Variants in GLI4 observed in about 807,000 individuals in gnomAD.
GLI4 encodes the protein zinc finger protein GLI4.
Under a neutral mutation model 30.9 loss-of-function variants are expected in GLI4, and 34 were observed. That is an observed-to-expected ratio of 1.10 (90% CI 0.84 to 1.47). GLI4 has a LOEUF of 1.47. GLI4 is among the 40% of genes most tolerant of loss of function. The pLI is 0.00. For synonymous variants in GLI4, 277 were observed against 236.7 expected (o/e 1.17, Z -1.56); for missense variants, 696 against 538.9 (o/e 1.29, Z -2.89).
rs1586729648 is a variant in GLI4, at chr8:143,275,428, A to T, written c.224-469A>T. 2.2e-6 allele frequency: 3 copies of T among 1,374,620 alleles called. No individual in the cohort carries two copies. In the East Asian group the frequency reaches 8.2e-5, roughly 38 times the overall value. 85.2% of individuals were successfully genotyped at this position (1,374,620 alleles called of 1,614,324 possible). On this transcript the variant is annotated intron_variant, in intron 3 of 3. Transcript: ENST00000340042. ...GGGAAGCTCCTGGGGTGGGCATGGG[A>T]GCTGGGCGGCAGCACACTTGCCACC... is the stretch of plus-strand genomic sequence containing the variant.
chr8:143,270,698 C>T (rs1815248929), intron 2 of GLI4, among the ~76,000 whole-genome samples: 1 of 152,208 alleles, frequency 6.6e-6, no homozygotes, highest in Non-Finnish European at 1.5e-5. Context: ...GTTCTCCTGT[C>T]CCGTTACCAG....
intron 2 of GLI4, 76 bp downstream of exon 2, chr8:143,269,596 C>A: frequency 7.9e-7 from 1 of 1,263,504 alleles, no homozygotes; most frequent in Non-Finnish European, 1.2e-6. Context: ...CTCCTCCTGA[C>A]CTGCCACGCT....
chr8:143,268,274 C>G (rs1310121994), intron 1 of GLI4, among the ~76,000 whole-genome samples: 1 of 152,224 alleles, frequency 6.6e-6, no homozygotes, highest in African/African-American at 2.4e-5. Flanking sequence ...GAAGCAGGCA[C>G]TGTCTGCTGT....
intron 1 of GLI4, among the ~76,000 whole-genome samples, chr8:143,268,407 C>T (rs1815188247): frequency 6.6e-6 from 1 of 152,236 alleles, no homozygotes. Context: ...TCACATTGGA[C>T]TCAAGCCGTT....
chr8:143,267,844 C>T (rs955125661), intron 1 of GLI4: 3 of 985,290 alleles, frequency 3.0e-6, no homozygotes, highest in Admixed American at 1.2e-4. Flanking sequence ...CCCAGCGCCG[C>T]ACCGCCGGGC....
Position 143,276,276 on chromosome 8 carries a change from C to G in GLI4, c.603C>G (p.His201Gln). The G allele has an allele frequency of 6.2e-7, 1 of 1,612,252 alleles. No individual in the cohort carries two copies. Among genetic ancestry groups the G allele is most frequent in the Non-Finnish European group, 8.5e-7 (1 of 1,179,628 alleles). The change falls in exon 4 of 4, where the codon CAC becomes CAG. Residue 201 changes from histidine (H) to glutamine (Q), a missense_variant. By Grantham distance (24) the His-to-Gln change is conservative. Coordinates refer to ENST00000340042, the MANE Select transcript of GLI4 (RefSeq NM_138465.4). Reference sequence around the variant, plus strand: ...AGTATAACTCGCTGCTCCTGAAGCACCAGCGCATCCACACGGGCGAGAAGC... The same window carrying G: ...AGTATAACTCGCTGCTCCTGAAGCAGCAGCGCATCCACACGGGCGAGAAGC... ...SFKYNSLLLK[H>Q]QRIHTGEKPY...
At chr8:143,271,286 G>A (rs539755160) in intron 2 of GLI4, among the ~76,000 whole-genome samples, 14 of 152,326 alleles carry the variant, frequency 9.2e-5, no homozygotes, top group African/African-American at 3.1e-4. Context: ...GAGGCACAGC[G>A]GGGCCTGGGA....
In GLI4 at chr8:143,276,374, CGG is replaced by C; in HGVS notation, c.703_704del (p.Gly235ArgfsTer57). 2 of 1,612,546 alleles carry C rather than the reference CGG, an allele frequency of 1.2e-6. No homozygotes were observed. Among genetic ancestry groups the C allele is most frequent in the South Asian group, 2.2e-5 (2 of 91,054 alleles). ...TTCATCCAGCACCACCGCATCCACA[CGG>C]GCGAGAAGCCCTACGAGTGCGGCCA... On this transcript the variant is annotated frameshift_variant, in exon 4 of 4. Transcript: ENST00000340042. LOFTEE classifies it high-confidence loss of function.
At position 143,276,658 on chromosome 8, in the gene GLI4, G is replaced by A. The variant is rs750346307; in HGVS notation, c.985G>A (p.Gly329Ser). 4 of 1,612,202 alleles carry A rather than the reference G, an allele frequency of 2.5e-6. No homozygotes were observed. Among genetic ancestry groups the A allele is most frequent in the Admixed American group, 1.7e-5 (1 of 59,898 alleles). ...GEKPYECSDC[G>S]KAFRGRSHFF... ...GAAGCCCTACGAGTGCTCCGACTGCGGCAAAGCCTTCCGCGGCCGCTCGCA... is the reference window on the plus strand; with the variant it reads ...GAAGCCCTACGAGTGCTCCGACTGCAGCAAAGCCTTCCGCGGCCGCTCGCA... The change falls in exon 4 of 4, where the codon GGC (glycine) becomes AGC (serine). Residue 329 changes from glycine (G) to serine (S), a missense_variant. By Grantham distance (56) the Gly-to-Ser change is moderately conservative. Transcript: ENST00000340042.
chr8:143,274,721 C>T lies in GLI4; in HGVS notation c.142C>T (p.Pro48Ser). 1 of 1,562,986 alleles carries T rather than the reference C, an allele frequency of 6.4e-7. No homozygotes were observed. The highest frequency in any genetic ancestry group is 1.4e-5 in the African/African-American group (1 of 73,406). ...GHQHGSPGSS[P>S]KVLSQPSDLD... The stretch of plus-strand genomic sequence containing the variant: ...ACCCCCAGGCTCCCCTGGCTCCAGC[C>T]CTAAGGTGCTCTCCCAGCCGTCCGA... The change falls in exon 3 of 4, where the codon CCT (proline) becomes TCT (serine). Residue 48 changes from proline (P) to serine (S), a missense_variant. By Grantham distance (74) the Pro-to-Ser change is moderately conservative. Transcript: ENST00000340042.
At chr8:143,269,258 C>A (rs964814642) in intron 1 of GLI4, 102 bp from the exon 2 acceptor site, 63 of 847,524 alleles carry the variant, frequency 7.4e-5, no homozygotes, top group South Asian at 3.3e-4. Context: ...AGTGGATAAA[C>A]CTCCATCTCC....
intron 2 of GLI4, among the ~76,000 whole-genome samples, chr8:143,270,346 C>G (rs74655314): frequency 0.021 from 3,201 of 152,304 alleles, 102 homozygotes; most frequent in African/African-American, 0.071. Context: ...ACAGAGAGTC[C>G]GGGGGGCTCC....
intron 2 of GLI4, among the ~76,000 whole-genome samples, chr8:143,269,834 A>G (rs1815226239): frequency 2.0e-5 from 3 of 152,250 alleles, no homozygotes. Flanking sequence ...CAGCGTGACC[A>G]GGAGCAAGGC....
rs1285319393 is a variant in GLI4 at position 143,276,870 on chromosome 8, G to T, written c.*66G>T. 25 of 1,016,802 alleles carry T rather than the reference G, an allele frequency of 2.5e-5. No individual in the cohort carries two copies. The highest frequency in any genetic ancestry group is 3.1e-5 in the Non-Finnish European group (22 of 710,926). 63.0% of individuals were successfully genotyped at this position (1,016,802 alleles called of 1,614,324 possible). A position where few individuals can be genotyped will look rare whatever the true frequency, so the allele number is the denominator to read the frequency against. On this transcript the variant is annotated 3_prime_UTR_variant, in exon 4 of 4. Transcript: ENST00000340042. Reference sequence around the variant, plus strand: ...ACCCACCCTCCACCCCGTCCCCCACGGTGGGCACTGCCCAGCACCGCATGC... The same window carrying T: ...ACCCACCCTCCACCCCGTCCCCCACTGTGGGCACTGCCCAGCACCGCATGC...
intron 2 of GLI4, among the ~76,000 whole-genome samples, chr8:143,270,014 G>C (rs1231480615): frequency 2.0e-5 from 3 of 152,234 alleles, no homozygotes; most frequent in South Asian, 4.1e-4. Flanking sequence ...GTTGAGGTGT[G>C]GGGGAGTCCC....
intron 1 of GLI4, 57 bp downstream of exon 1, chr8:143,267,541 A>G (rs1815163008): frequency 1.0e-6 from 1 of 985,492 alleles, no homozygotes; most frequent in Non-Finnish European, 1.2e-6. Flanking sequence ...GCCCAGTCCG[A>G]GCTCGTGCGC....
At chr8:143,275,370 C>T in intron 3 of GLI4, 2 of 1,404,012 alleles carry the variant, frequency 1.4e-6, no homozygotes, top group South Asian at 1.7e-5. Flanking sequence ...AGGTCAGGTC[C>T]CTGGAAAGAG....
chr8:143,271,240 C>G (rs1005888813), intron 2 of GLI4, among the ~76,000 whole-genome samples: 6 of 152,254 alleles, frequency 3.9e-5, no homozygotes, highest in Middle Eastern at 3.4e-3. Flanking sequence ...GCTGCTTTCC[C>G]CCAGCAAGAG....
chr8:143,274,578 T>G, intron 2 of GLI4, 126 bp from the exon 3 acceptor site: 1 of 879,714 alleles, frequency 1.1e-6, no homozygotes, highest in Non-Finnish European at 1.6e-6. Flanking sequence ...GGGCCTGCTG[T>G]TGGGATTGGG....
Sources: allele counts gnomAD v4.1 joint callset (sites outside exome capture counted in the v4.1 genomes callset), GRCh38; gene constraint gnomAD v4.1.1; transcripts MANE v1.5; gene names NCBI Gene and HGNC (gene_info 2026-07-23, HGNC 2026-07-21).